Variants in TTC28 observed in about 807,000 individuals in gnomAD.
TTC28 encodes the protein tetratricopeptide repeat domain 28, also known as tetratricopeptide repeat protein 28.
Under a neutral mutation model 198.0 loss-of-function variants are expected in TTC28, and 61 were observed. The observed-to-expected ratio is 0.31, with a 90% CI of 0.25 to 0.38. The LOEUF is 0.38. Ranked by LOEUF, TTC28 falls within the 10% of genes least tolerant of loss-of-function variation. The pLI, the probability that TTC28 is intolerant of heterozygous loss-of-function variation, is 1.00. For synonymous variants in TTC28, 1,171 were observed against 1,297.8 expected (o/e 0.90, Z 2.10); for missense variants, 2,678 against 3,164.0 (o/e 0.85, Z 3.69).
chr22:28,535,437 T>G (rs1290307480), intron 2 of TTC28, among the ~76,000 whole-genome samples: 4 of 152,190 alleles, frequency 2.6e-5, no homozygotes, highest in Non-Finnish European at 5.9e-5. Context: ...TTTATTTAAA[T>G]GAGATTACAT....
chr22:28,453,042 C>G (rs1439051238), intron 2 of TTC28, among the ~76,000 whole-genome samples: 2 of 152,210 alleles, frequency 1.3e-5, no homozygotes, highest in African/African-American at 4.8e-5. Flanking sequence ...GACTCAAGTT[C>G]TGGTAGCCAG....
rs748516640 is a variant in TTC28, at chr22:28,163,125, G to A, written c.1408C>T (p.Arg470Trp). The change falls in exon 6 of 23, where the codon CGG becomes TGG. Residue 470 changes from arginine to tryptophan, a missense_variant. Arg to Trp is a moderately radical substitution (Grantham distance 101, BLOSUM62 -3). Coordinates refer to ENST00000397906, the MANE Select transcript of TTC28 (RefSeq NM_001145418.2). ...GAGGATGCTCGCCCCTCTGCAGCCC[G>A]GTCCTTGAGATCCTCAGCAATGCCC... ...QLGIAEDLKD[R>W]AAEGRASSNL... is the part of the protein sequence containing the mutation. 1.7e-4 allele frequency: 266 copies of A among 1,551,346 alleles called. No homozygotes were observed. The highest frequency in any genetic ancestry group is 2.1e-4 in the Non-Finnish European group (246 of 1,146,934).
intron 5 of TTC28, among the ~76,000 whole-genome samples, chr22:28,268,086 T>C (rs1479921373): frequency 6.6e-6 from 1 of 152,128 alleles, no homozygotes; most frequent in Non-Finnish European, 1.5e-5. Flanking sequence ...TAAAAGCAAA[T>C]GGAGGATATG....
At chr22:28,437,598 T>C (rs2047540235) in intron 2 of TTC28, among the ~76,000 whole-genome samples, 1 of 152,000 alleles carries the variant, frequency 6.6e-6, no homozygotes, top group Admixed American at 6.6e-5. Flanking sequence ...GAGTTTGTTT[T>C]TTTGCTTTGT....
At chr22:28,250,394 A>G (rs1930432008) in intron 5 of TTC28, among the ~76,000 whole-genome samples, 1 of 152,234 alleles carries the variant, frequency 6.6e-6, no homozygotes, top group South Asian at 2.1e-4. Context: ...AGGGATTATT[A>G]TAATTTAAAT....
At chr22:28,621,620 G>A (rs1237086549) in intron 2 of TTC28, among the ~76,000 whole-genome samples, 1 of 151,230 alleles carries the variant, frequency 6.6e-6, no homozygotes, top group Admixed American at 6.6e-5. Context: ...GCACATGCCT[G>A]TAGTCCCAGC....
Position 28,096,277 on chromosome 22 carries a change from C to T in TTC28, c.3679G>A (p.Glu1227Lys). The change falls in exon 11 of 23, where the codon GAG becomes AAG. Residue 1227 changes from glutamate to lysine, a missense_variant. Around this residue, in one of 8 missense-constraint regions of TTC28, gnomAD observed 727 missense variants for 861.9 expected, o/e 0.84. Coordinates refer to ENST00000397906, the MANE Select transcript of TTC28 (RefSeq NM_001145418.2). ...YSPVTIDQILEMVNGQRGLVL... is the reference protein window; with the variant it reads ...YSPVTIDQILKMVNGQRGLVL... Reference sequence around the variant, plus strand: ...AGTCCCCTCTGGCCATTTACCATCTCTAAGATCTGATCAATAGTGACTGGG... The same window carrying T: ...AGTCCCCTCTGGCCATTTACCATCTTTAAGATCTGATCAATAGTGACTGGG... 6.4e-7 allele frequency: 1 copy of T among 1,551,780 alleles called. No homozygotes were observed. The highest frequency in any genetic ancestry group is 8.7e-7 in the Non-Finnish European group (1 of 1,147,012).
In TTC28 at chr22:28,107,673, G is replaced by A. The variant is rs1302908311; in HGVS notation, c.2172C>T (p.Phe724=). The change falls in exon 7 of 23, where the codon TTC becomes TTT. Residue 724 remains phenylalanine, a synonymous_variant. Coordinates refer to ENST00000397906, the MANE Select transcript of TTC28 (RefSeq NM_001145418.2). ...CACCATTTATATCTTTTTTACAGATGAATATATCGCCCAGGTTTCCTAGGG... is the reference window on the plus strand; with the variant it reads ...CACCATTTATATCTTTTTTACAGATAAATATATCGCCCAGGTTTCCTAGGG... ...FRALGNLGDI[F]ICKKDINGAI... is the part of the protein sequence containing the mutation. 6.4e-7 allele frequency: 1 copy of A among 1,551,630 alleles called. No individual in the cohort carries two copies. The highest frequency in any genetic ancestry group is 8.7e-7 in the Non-Finnish European group (1 of 1,147,014).
At chr22:28,479,763 A>C (rs960411742) in intron 2 of TTC28, among the ~76,000 whole-genome samples, 2 of 151,632 alleles carry the variant, frequency 1.3e-5, no homozygotes, top group African/African-American at 4.9e-5. Flanking sequence ...CCTACCCCTA[A>C]CTCCACACCC....
intron 2 of TTC28, among the ~76,000 whole-genome samples, chr22:28,488,237 C>T (rs924990432): frequency 6.6e-6 from 1 of 152,128 alleles, no homozygotes; most frequent in African/African-American, 2.4e-5. Flanking sequence ...AAATGTAGAC[C>T]TGCACCCTTC....
At chr22:28,427,949 C>G (rs201273692) in intron 2 of TTC28, among the ~76,000 whole-genome samples, 1 of 152,222 alleles carries the variant, frequency 6.6e-6, no homozygotes, top group South Asian at 2.1e-4. Flanking sequence ...ATGTACACCT[C>G]TTCTAAACTT....
At chr22:28,028,684 G>A (rs750744557) in intron 13 of TTC28, 3 of 245,858 alleles carry the variant, frequency 1.2e-5, no homozygotes, top group South Asian at 4.5e-5. Context: ...GCACACAGAC[G>A]TCTCATCCCT....
intron 5 of TTC28, among the ~76,000 whole-genome samples, chr22:28,166,182 T>G (rs1921919733): frequency 6.6e-6 from 1 of 152,152 alleles, no homozygotes. Flanking sequence ...AAGCAAGCCC[T>G]TAGTGGCCTA....
chr22:28,625,790 C>T (rs1317442123), intron 2 of TTC28, among the ~76,000 whole-genome samples: 1 of 152,136 alleles, frequency 6.6e-6, no homozygotes, highest in Non-Finnish European at 1.5e-5. Context: ...AATAATCAGA[C>T]TTACCATACA....
chr22:28,101,121 C>T (rs1405694866), intron 9 of TTC28, 50 bp downstream of exon 9: 1 of 1,383,754 alleles, frequency 7.2e-7, no homozygotes, highest in Non-Finnish European at 1.0e-6. Flanking sequence ...CCTAAAGTCT[C>T]CCATGCTTCT....
chr22:28,616,850 A>C (rs557308700), intron 2 of TTC28, among the ~76,000 whole-genome samples: 6 of 152,108 alleles, frequency 3.9e-5, no homozygotes, highest in African/African-American at 1.4e-4. Context: ...CTGTCTCAAA[A>C]AAAAAAAAAA....
chr22:28,641,140 A>G (rs773446565), intron 1 of TTC28, among the ~76,000 whole-genome samples: 6 of 152,176 alleles, frequency 3.9e-5, no homozygotes, highest in Non-Finnish European at 8.8e-5. Context: ...CCTGGCCAAC[A>G]TGGTGAGACC....
At chr22:28,258,040 C>T (rs1047885844) in intron 5 of TTC28, among the ~76,000 whole-genome samples, 6 of 151,846 alleles carry the variant, frequency 4.0e-5, no homozygotes, top group African/African-American at 1.5e-4. Flanking sequence ...CTTTGTCAGT[C>T]CTCCTGTCTT....
chr22:28,254,184 G>T (rs942941096), intron 5 of TTC28, among the ~76,000 whole-genome samples: 1 of 152,004 alleles, frequency 6.6e-6, no homozygotes, highest in African/African-American at 2.4e-5. Flanking sequence ...CTTAGTTTGG[G>T]GTACCTAAAT....
Sources: allele counts gnomAD v4.1 joint callset (sites outside exome capture counted in the v4.1 genomes callset), GRCh38; gene constraint gnomAD v4.1.1; regional missense constraint gnomAD v4.1.1; transcripts MANE v1.5; gene names NCBI Gene and HGNC (gene_info 2026-07-23, HGNC 2026-07-21).